The following COG5 variants were observed in gnomAD, a reference collection of about 807,000 sequenced individuals.
COG5 encodes the protein conserved oligomeric Golgi complex subunit 5.
In COG5, 86 loss-of-function variants were observed where a neutral mutation model predicts 110.4. That is an observed-to-expected ratio of 0.78 (90% confidence interval 0.65 to 0.93). COG5 has a LOEUF of 0.93. Among genes scored for constraint, COG5 ranks in the 40% least tolerant of loss-of-function variants. COG5 has a pLI of 0.00. For missense variants in COG5, 1,077 were observed against 987.0 expected (o/e 1.09, Z -1.22); for synonymous variants, 360 against 334.6 (o/e 1.08, Z -0.83).
At chr7:107,557,354 A>G (rs1803399371) in intron 2 of COG5, among the ~76,000 whole-genome samples, 1 of 152,182 alleles carries the variant, frequency 6.6e-6, no homozygotes, top group Non-Finnish European at 1.5e-5. Context: ...CGCCCTATAA[A>G]ATTTACAGAA....
At chr7:107,476,211 C>T (rs1326780216) in intron 6 of COG5, among the ~76,000 whole-genome samples, 1 of 76,574 alleles carries the variant, frequency 1.3e-5, no homozygotes, top group African/African-American at 5.5e-5. Context: ...AAAAAAAGAA[C>T]AGTACATCAA....
intron 10 of COG5, among the ~76,000 whole-genome samples, chr7:107,339,070 A>G (rs1275394548): frequency 6.6e-6 from 1 of 152,168 alleles, no homozygotes; most frequent in Non-Finnish European, 1.5e-5. Flanking sequence ...CAGGTAAAAG[A>G]CACAGAATTG....
intron 11 of COG5, among the ~76,000 whole-genome samples, chr7:107,308,193 G>C (rs1161366133): frequency 6.6e-6 from 1 of 152,162 alleles, no homozygotes; most frequent in African/African-American, 2.4e-5. Context: ...CTCTGATCCT[G>C]TATTTCCTGT....
At chr7:107,310,489 C>T (rs1312324147) in intron 11 of COG5, among the ~76,000 whole-genome samples, 2 of 152,072 alleles carry the variant, frequency 1.3e-5, no homozygotes, top group Admixed American at 6.5e-5. Flanking sequence ...GGGGAATTCA[C>T]AAAATGCTAA....
At chr7:107,218,279 A>T (rs1799665528) in intron 19 of COG5, among the ~76,000 whole-genome samples, 1 of 152,144 alleles carries the variant, frequency 6.6e-6, no homozygotes, top group Non-Finnish European at 1.5e-5. Flanking sequence ...ATACTATCCA[A>T]ACCAATCTTC....
intron 6 of COG5, among the ~76,000 whole-genome samples, chr7:107,482,511 A>G (rs775970436): frequency 5.3e-5 from 8 of 152,078 alleles, no homozygotes; most frequent in Non-Finnish European, 1.2e-4. Context: ...ACTACTTTAG[A>G]TATCAGAAGA....
rs1456613949 is a variant in COG5 at position 107,288,905 on chromosome 7, GAGATATAT to G, written c.1314-5181_1314-5174del. On this transcript the variant is annotated intron_variant, in intron 12 of 21. Transcript: ENST00000297135. ...AGATTTGCCCCTATGTTTTCTAACA[GAGATATAT>G]ATATATATATATATATATATATATA... Among the ~76,000 whole-genome samples the G allele has an allele frequency of 1.0e-3, 69 of 67,280 alleles. 1 individual carries two copies. Among genetic ancestry groups the G allele is most frequent in the African/African-American group, 3.0e-3 (63 of 20,914 alleles). The allele number at this position is 67,280 out of a possible 152,430, so 44.1% of individuals were successfully genotyped here.
At chr7:107,223,322 G>T (rs1209244954) in intron 19 of COG5, among the ~76,000 whole-genome samples, 2 of 152,208 alleles carry the variant, frequency 1.3e-5, no homozygotes, top group South Asian at 2.1e-4. Context: ...TTTCTATGGA[G>T]ATTCTTTAGG....
chr7:107,306,938 T>G (rs753943509), intron 11 of COG5, among the ~76,000 whole-genome samples: 1 of 152,212 alleles, frequency 6.6e-6, no homozygotes, highest in African/African-American at 2.4e-5. Context: ...CCAAGATTAT[T>G]TGTTTCTTTT....
At chr7:107,443,690 C>A (rs1261804224) in intron 6 of COG5, among the ~76,000 whole-genome samples, 1 of 152,092 alleles carries the variant, frequency 6.6e-6, no homozygotes, top group Non-Finnish European at 1.5e-5. Context: ...AAATCCTAGT[C>A]TTAATTTATG....
At chr7:107,376,758 T>G (rs1354622617) in intron 7 of COG5, among the ~76,000 whole-genome samples, 1 of 152,052 alleles carries the variant, frequency 6.6e-6, no homozygotes, top group Non-Finnish European at 1.5e-5. Flanking sequence ...GCCTTAAATA[T>G]TTCACCATCG....
chr7:107,452,563 T>C (rs1795403483), intron 6 of COG5, among the ~76,000 whole-genome samples: 1 of 152,130 alleles, frequency 6.6e-6, no homozygotes, highest in Admixed American at 6.6e-5. Flanking sequence ...TGGGAGTTTC[T>C]GATGGTTTTA....
At chr7:107,282,007 CAA>C (rs10706210) in intron 13 of COG5, among the ~76,000 whole-genome samples, 121 of 113,318 alleles carry the variant, frequency 1.1e-3, no homozygotes, top group Middle Eastern at 4.7e-3. Context: ...ATCTGACTGC[CAA>C]AAAAAAAAAA....
chr7:107,314,233 T>G (rs893861177), intron 11 of COG5, among the ~76,000 whole-genome samples: 2 of 152,000 alleles, frequency 1.3e-5, no homozygotes, highest in Non-Finnish European at 2.9e-5. Context: ...AAAATTCCAT[T>G]AGAAATCTCT....
rs187435912 is a variant in COG5 at position 107,238,193 on chromosome 7, G to A, written c.1854-1506C>T. Among the ~76,000 whole-genome samples the A allele has an allele frequency of 2.2e-4, 33 of 152,146 alleles. No homozygotes were observed. The East Asian group carries it at 6.0e-3, about 28-fold the overall frequency. ...GCTGCTAACTGCCATTCTACTCTCT[G>A]TTTCTATGTATTCGGTTGTTTTAGA... On this transcript the variant is annotated intron_variant, in intron 17 of 21. Transcript: ENST00000297135.
intron 6 of COG5, among the ~76,000 whole-genome samples, chr7:107,503,874 T>C (rs1052628194): frequency 6.6e-6 from 1 of 152,196 alleles, no homozygotes; most frequent in Non-Finnish European, 1.5e-5. Flanking sequence ...TTATCAAATC[T>C]AGGAGTCTTC....
intron 19 of COG5, among the ~76,000 whole-genome samples, chr7:107,222,335 A>G (rs1163472413): frequency 1.3e-5 from 2 of 151,920 alleles, no homozygotes; most frequent in Admixed American, 1.3e-4. Flanking sequence ...GAGGTGGCTT[A>G]CAGGATTACA....
intron 6 of COG5, among the ~76,000 whole-genome samples, chr7:107,466,126 T>C (rs778989697): frequency 3.2e-4 from 49 of 152,054 alleles, no homozygotes; most frequent in Non-Finnish European, 5.3e-4. Context: ...AGTTCCTTGA[T>C]GAAAATATAA....
chr7:107,389,152 G>C (rs1459093211), intron 7 of COG5, among the ~76,000 whole-genome samples: 2 of 152,200 alleles, frequency 1.3e-5, no homozygotes, highest in African/African-American at 4.8e-5. Flanking sequence ...CACCTGGGCA[G>C]ACACCCGCTT....
Sources: gnomAD v4.1 joint callset for allele counts (sites outside exome capture counted in the v4.1 genomes callset) on GRCh38, gnomAD v4.1.1 for gene constraint, MANE v1.5 for transcripts, NCBI Gene and HGNC (gene_info 2026-07-23, HGNC 2026-07-21) for gene names.